The following KMO variants were observed in gnomAD, a reference collection of about 807,000 sequenced individuals.
KMO encodes the protein kynurenine 3-hydroxylase.
In KMO, 24 loss-of-function variants were observed where a neutral mutation model predicts 57.8. That is an observed-to-expected ratio of 0.42 (90% CI 0.30 to 0.58). The LOEUF (loss-of-function observed/expected upper bound fraction) is 0.58, where lower values mean the gene tolerates loss of function less well. KMO is among the 20% of genes least tolerant of loss of function. KMO has a pLI of 0.22. For missense variants in KMO, 483 were observed against 588.2 expected (o/e 0.82, Z 1.85); for synonymous variants, 210 against 193.6 (o/e 1.08, Z -0.70).
intron 1 of KMO, among the ~76,000 whole-genome samples, 164 bp downstream of exon 1, chr1:241,532,662 T>C (rs1177538936): frequency 6.6e-6 from 1 of 152,016 alleles, no homozygotes; most frequent in Non-Finnish European, 1.5e-5. Context: ...TTTATTTTCA[T>C]AGATTTAATA....
chr1:241,590,317 A>C (rs1663211036), intron 14 of KMO, 54 bp downstream of exon 14: 1 of 1,333,832 alleles, frequency 7.5e-7, no homozygotes, highest in Non-Finnish European at 1.1e-6. Flanking sequence ...GAAATGTCAT[A>C]GTATTATGAT....
At chr1:241,560,062 G>A (rs1024287924) in intron 5 of KMO, among the ~76,000 whole-genome samples, 1 of 152,160 alleles carries the variant, frequency 6.6e-6, no homozygotes, top group African/African-American at 2.4e-5. Flanking sequence ...TTCATAAATT[G>A]AAATTCACTC....
Position 241,592,335 on chromosome 1 carries a change from A to G in KMO, c.*182A>G. ...TACTGGTTGGGGGGTGCATTTTAAAAGATGAAACATGCAGCTTCCCTACAT... is the reference window on the plus strand; with the variant it reads ...TACTGGTTGGGGGGTGCATTTTAAAGGATGAAACATGCAGCTTCCCTACAT... On this transcript the variant is annotated 3_prime_UTR_variant, in exon 15 of 15. Coordinates refer to ENST00000366559, the MANE Select transcript of KMO (RefSeq NM_003679.5). The G allele has an allele frequency of 1.7e-6, 1 of 598,212 alleles. No homozygotes were observed. The highest frequency in any genetic ancestry group is 3.0e-6 in the Non-Finnish European group (1 of 337,242). 37.1% of individuals were successfully genotyped at this position (598,212 alleles called of 1,614,324 possible).
Position 241,543,975 on chromosome 1 carries a change from A to G in KMO, c.55-4854A>G, listed in dbSNP as rs1365773276. 2.6e-5 allele frequency among the ~76,000 whole-genome samples: 4 copies of G among 152,312 alleles called. No individual in the cohort carries two copies. The East Asian group carries it at 7.7e-4, about 29-fold the overall frequency. Reference sequence around the variant, plus strand: ...ATTTTCATCAAAGAAAAAGAACGTAACAAACCCATGCAACCAGACCATTGG... The same window carrying G: ...ATTTTCATCAAAGAAAAAGAACGTAGCAAACCCATGCAACCAGACCATTGG... On this transcript the variant is annotated intron_variant, in intron 1 of 14. Transcript: ENST00000366559.
intron 10 of KMO, among the ~76,000 whole-genome samples, chr1:241,572,932 T>C (rs544793430): frequency 1.3e-5 from 2 of 152,292 alleles, no homozygotes; most frequent in African/African-American, 4.8e-5. Context: ...AATATTGGGC[T>C]CCAGCTCCAT....
intron 9 of KMO, 87 bp from the exon 10 acceptor site, chr1:241,568,413 G>A (rs1490097902): frequency 1.5e-6 from 2 of 1,313,452 alleles, no homozygotes; most frequent in Non-Finnish European, 2.1e-6. Context: ...AAAACTTCGT[G>A]ATAGTTAATT....
intron 4 of KMO, among the ~76,000 whole-genome samples, chr1:241,554,227 T>TATCCTTCCTTCCTTCC (rs1661517048): frequency 7.6e-6 from 1 of 132,036 alleles, no homozygotes; most frequent in African/African-American, 2.9e-5. Flanking sequence ...AATACTTTTC[T>TATCCTTCCTTCCTTCC]TTCCTTCCTT....
chr1:241,539,683 C>T (rs1027499188), intron 1 of KMO, among the ~76,000 whole-genome samples: 6 of 152,126 alleles, frequency 3.9e-5, no homozygotes, highest in Admixed American at 2.6e-4. Context: ...ATATTCTCTC[C>T]GCAGCTCACT....
At chr1:241,567,000 C>T (rs926481711) in intron 9 of KMO, among the ~76,000 whole-genome samples, 5 of 152,154 alleles carry the variant, frequency 3.3e-5, no homozygotes, top group Admixed American at 6.5e-5. Context: ...TTACTAGACA[C>T]GTAAGCTTTC....
intron 5 of KMO, among the ~76,000 whole-genome samples, chr1:241,559,129 A>G (rs1334505829): frequency 6.6e-6 from 1 of 152,122 alleles, no homozygotes; most frequent in Non-Finnish European, 1.5e-5. Flanking sequence ...TTTTAACCTA[A>G]TATATCCAAA....
intron 4 of KMO, among the ~76,000 whole-genome samples, chr1:241,552,435 C>T (rs1364215826): frequency 2.6e-5 from 4 of 152,162 alleles, no homozygotes; most frequent in Non-Finnish European, 5.9e-5. Flanking sequence ...TTAAGAACTG[C>T]ATAAAATTGC....
chr1:241,565,091 G>A (rs1662026606), intron 8 of KMO, 33 bp downstream of exon 8: 1 of 1,253,072 alleles, frequency 8.0e-7, no homozygotes, highest in Non-Finnish European at 1.2e-6. Flanking sequence ...CTGTAATTTT[G>A]CATTTGTAAT....
At chr1:241,550,877 T>C in intron 3 of KMO, 78 bp from the exon 4 acceptor site, 4 of 696,652 alleles carry the variant, frequency 5.7e-6, no homozygotes, top group Non-Finnish European at 9.3e-6. Flanking sequence ...TGAAATTACA[T>C]TTAAAAATCA....
intron 10 of KMO, among the ~76,000 whole-genome samples, chr1:241,569,269 TTCTA>T (rs1484605982): frequency 1.3e-5 from 2 of 151,206 alleles, no homozygotes; most frequent in African/African-American, 4.8e-5. Context: ...ATCTTATTCA[TTCTA>T]TCTAACTATT....
Position 241,566,520 on chromosome 1 carries a change from G to A in KMO, c.717G>A (p.Met239Ile). ...AATCATTCACATGTACTTTGTTCAT[G>A]CCCTTTGAAGAGTTTGAAAAACTTC... ...MNKSFTCTLF[M>I]PFEEFEKLLT... The change falls in exon 9 of 15, where the codon ATG becomes ATA. Residue 239 changes from methionine (M) to isoleucine (I), a missense_variant. By Grantham distance (10) the Met-to-Ile change is conservative. Coordinates refer to ENST00000366559, the MANE Select transcript of KMO (RefSeq NM_003679.5). 1 of 1,613,470 alleles carries A rather than the reference G, an allele frequency of 6.2e-7. No individual in the cohort carries two copies. The highest frequency in any genetic ancestry group is 2.2e-5 in the East Asian group (1 of 44,856).
chr1:241,532,527 T>G (rs761185576), intron 1 of KMO, 29 bp downstream of exon 1: 8 of 1,525,854 alleles, frequency 5.2e-6, no homozygotes, highest in African/African-American at 1.4e-5. Context: ...ATTACTATTG[T>G]TGGTGGTATT....
chr1:241,534,659 C>T (rs1400523369), intron 1 of KMO, among the ~76,000 whole-genome samples: 1 of 152,238 alleles, frequency 6.6e-6, no homozygotes, highest in African/African-American at 2.4e-5. Flanking sequence ...CCATCCTGGC[C>T]CAAGCCATTA....
At chr1:241,570,766 T>G (rs1221749884) in intron 10 of KMO, among the ~76,000 whole-genome samples, 1 of 152,066 alleles carries the variant, frequency 6.6e-6, no homozygotes, top group Non-Finnish European at 1.5e-5. Context: ...GGCTATTCTG[T>G]GTCTTTGGTG....
At chr1:241,590,997 C>T (rs1269233221) in intron 14 of KMO, among the ~76,000 whole-genome samples, 1 of 152,154 alleles carries the variant, frequency 6.6e-6, no homozygotes, top group Non-Finnish European at 1.5e-5. Context: ...GGGCTTTAAA[C>T]ACCTGGAGTA....
Sources: gnomAD v4.1 joint callset for allele counts (sites outside exome capture counted in the v4.1 genomes callset) on GRCh38, gnomAD v4.1.1 for gene constraint, MANE v1.5 for transcripts, NCBI Gene and HGNC (gene_info 2026-07-23, HGNC 2026-07-21) for gene names.